MECOM: variants seen among roughly 807,000 people sequenced by gnomAD.
The protein encoded by MECOM is MDS1 and EVI1 complex locus.
In MECOM, 13 loss-of-function variants were observed where a neutral mutation model predicts 116.3. The observed-to-expected ratio is 0.11, with a 90% CI of 0.07 to 0.18. The LOEUF is 0.18. Ranked by LOEUF, MECOM falls within the 10% of genes least tolerant of loss-of-function variation. The pLI is 1.00. For missense variants in MECOM, 1,299 were observed against 1,509.0 expected, an observed-to-expected ratio of 0.86 and a Z score of 2.31; for synonymous variants, 528 against 535.2, an observed-to-expected ratio of 0.99 and a Z score of 0.19.
intron 1 of MECOM, among the ~76,000 whole-genome samples, chr3:169,479,857 G>A (rs1946393409): frequency 6.6e-6 from 1 of 152,124 alleles, no homozygotes; most frequent in South Asian, 2.1e-4. Flanking sequence ...CAGGCACTGT[G>A]CCAGGCACCT....
intron 1 of MECOM, among the ~76,000 whole-genome samples, chr3:169,597,251 C>T (rs1560476551): frequency 6.6e-6 from 1 of 152,158 alleles, no homozygotes; most frequent in East Asian, 1.9e-4. Context: ...GTCTAACAAC[C>T]AGTCATACTA....
chr3:169,639,940 G>A (rs796823538), intron 1 of MECOM, among the ~76,000 whole-genome samples: 13 of 152,226 alleles, frequency 8.5e-5, no homozygotes, highest in African/African-American at 2.9e-4. Flanking sequence ...CCCATTCTGG[G>A]CCACCTGTGC....
In MECOM at chr3:169,433,513, G is replaced by T. The variant is rs564107340; in HGVS notation, c.38-51989C>A. Reference sequence around the variant, plus strand: ...GACAGACAGAATGAAAGAAAGAAAAGAAAGACAAACAGACAGACAGAATGA... The same window carrying T: ...GACAGACAGAATGAAAGAAAGAAAATAAAGACAAACAGACAGACAGAATGA... On this transcript the variant is annotated intron_variant, in intron 1 of 16. Coordinates refer to ENST00000651503, the MANE Select transcript of MECOM (RefSeq NM_004991.4). 6.5e-5 allele frequency among the ~76,000 whole-genome samples: 9 copies of T among 137,634 alleles called. No homozygotes were observed. The South Asian group carries it at 2.1e-3, about 32-fold the overall frequency. 90.3% of individuals were successfully genotyped at this position (137,634 alleles called of 152,430 possible). A position where few individuals can be genotyped will look rare whatever the true frequency, so the allele number is the denominator to read the frequency against.
At chr3:169,153,468 C>T (rs940872844) in intron 2 of MECOM, among the ~76,000 whole-genome samples, 6 of 152,104 alleles carry the variant, frequency 3.9e-5, no homozygotes, top group Non-Finnish European at 7.4e-5. Flanking sequence ...TTTTTAACTT[C>T]GGACTAAATT....
At chr3:169,171,261 G>A (rs1577242964) in intron 2 of MECOM, among the ~76,000 whole-genome samples, 1 of 152,118 alleles carries the variant, frequency 6.6e-6, no homozygotes, top group South Asian at 2.1e-4. Flanking sequence ...GAATATATGA[G>A]AATGAATTGA....
intron 7 of MECOM, among the ~76,000 whole-genome samples, chr3:169,117,338 T>C (rs767081120): frequency 6.6e-6 from 1 of 152,236 alleles, no homozygotes; most frequent in Non-Finnish European, 1.5e-5. Flanking sequence ...GCACATTGTG[T>C]ATTCTGAGAC....
chr3:169,214,819 G>T (rs1422341058), intron 2 of MECOM, among the ~76,000 whole-genome samples: 1 of 148,012 alleles, frequency 6.8e-6, no homozygotes, highest in Non-Finnish European at 1.5e-5. Flanking sequence ...ATTTATATAT[G>T]TCTAGTATCT....
intron 1 of MECOM, among the ~76,000 whole-genome samples, chr3:169,480,455 C>A (rs1475266915): frequency 6.6e-6 from 1 of 152,182 alleles, no homozygotes; most frequent in Non-Finnish European, 1.5e-5. Flanking sequence ...GCTCCCCCAA[C>A]CCCTTCCCCT....
intron 2 of MECOM, among the ~76,000 whole-genome samples, chr3:169,210,720 G>C (rs1050924094): frequency 4.6e-5 from 7 of 152,072 alleles, no homozygotes; most frequent in African/African-American, 1.7e-4. Context: ...TTGAGATAGA[G>C]AGCAGTTCCA....
chr3:169,386,639 T>C (rs2108309835), intron 1 of MECOM, among the ~76,000 whole-genome samples: 1 of 152,286 alleles, frequency 6.6e-6, no homozygotes, highest in East Asian at 1.9e-4. Context: ...ACTACTTCCA[T>C]GGATTTTATT....
intron 1 of MECOM, among the ~76,000 whole-genome samples, chr3:169,594,377 C>T (rs182315513): frequency 3.3e-5 from 5 of 152,018 alleles, no homozygotes; most frequent in Non-Finnish European, 7.4e-5. Flanking sequence ...GTTCTTGTCC[C>T]TAAAGCAGTG....
At chr3:169,104,149 G>C (rs1290745670) in intron 10 of MECOM, among the ~76,000 whole-genome samples, 1 of 152,156 alleles carries the variant, frequency 6.6e-6, no homozygotes, top group East Asian at 1.9e-4. Flanking sequence ...CAAGTGGACA[G>C]CACATTTGTC....
intron 1 of MECOM, among the ~76,000 whole-genome samples, chr3:169,544,987 T>C (rs12633558): frequency 0.2 from 31,092 of 151,924 alleles, 3,787 homozygotes; most frequent in Non-Finnish European, 0.28. Flanking sequence ...TGTATACCTA[T>C]GTAACAAACC....
intron 1 of MECOM, chr3:169,565,940 T>C (rs1351953183): frequency 2.2e-6 from 1 of 445,340 alleles, no homozygotes; most frequent in Non-Finnish European, 4.5e-6. Flanking sequence ...CTGGGTAATT[T>C]ATAAAGAAAA....
chr3:169,447,167 G>C (rs1335422974), intron 1 of MECOM, among the ~76,000 whole-genome samples: 2 of 152,038 alleles, frequency 1.3e-5, no homozygotes, highest in South Asian at 4.2e-4. Flanking sequence ...CCAATTTCTT[G>C]ACCCCTTGTG....
chr3:169,109,582 A>T (rs1726631447), intron 9 of MECOM, among the ~76,000 whole-genome samples: 1 of 151,704 alleles, frequency 6.6e-6, no homozygotes, highest in Non-Finnish European at 1.5e-5. Context: ...GCCCGGCTAA[A>T]TTTTTTTGTA....
intron 4 of MECOM, among the ~76,000 whole-genome samples, chr3:169,128,693 T>C (rs1733697042): frequency 6.6e-6 from 1 of 152,226 alleles, no homozygotes; most frequent in African/African-American, 2.4e-5. Context: ...ATGTTTTTAG[T>C]ACCCTTCTAG....
At chr3:169,158,344 C>T (rs951858862) in intron 2 of MECOM, among the ~76,000 whole-genome samples, 1 of 152,060 alleles carries the variant, frequency 6.6e-6, no homozygotes, top group Admixed American at 6.5e-5. Context: ...ACAGTGAAGT[C>T]ACAACATATA....
At chr3:169,150,199 T>G (rs539863807) in intron 2 of MECOM, among the ~76,000 whole-genome samples, 115 of 152,322 alleles carry the variant, frequency 7.5e-4, no homozygotes, top group African/African-American at 2.7e-3. Flanking sequence ...AAATAAGAAT[T>G]ATTTAGAAGA....
Sources: gnomAD v4.1 joint callset for allele counts (sites outside exome capture counted in the v4.1 genomes callset) on GRCh38, gnomAD v4.1.1 for gene constraint, MANE v1.5 for transcripts, NCBI Gene and HGNC (gene_info 2026-07-23, HGNC 2026-07-21) for gene names.